INPP4A: variants seen among roughly 807,000 people sequenced by gnomAD.
INPP4A encodes the protein inositol polyphosphate-4-phosphatase, type I, 107kD.
Under a neutral mutation model 119.8 loss-of-function variants are expected in INPP4A, and 33 were observed. The ratio of observed to expected loss-of-function variants is 0.28; its 90% confidence interval spans 0.21 to 0.37. The LOEUF is 0.37. INPP4A is among the 10% of genes least tolerant of loss of function. INPP4A has a pLI of 1.00. For missense variants in INPP4A, 956 were observed against 1,289.9 expected (o/e 0.74, Z 3.97); for synonymous variants, 496 against 500.7 (o/e 0.99, Z 0.12).
intron 1 of INPP4A, among the ~76,000 whole-genome samples, chr2:98,495,761 A>G (rs556360432): frequency 6.6e-6 from 1 of 152,204 alleles, no homozygotes; most frequent in African/African-American, 2.4e-5. Flanking sequence ...GGGTTTTATC[A>G]TGCAGATGCA....
chr2:98,452,606 G>A (rs1427109689), intron 1 of INPP4A, among the ~76,000 whole-genome samples: 1 of 152,172 alleles, frequency 6.6e-6, no homozygotes, highest in Non-Finnish European at 1.5e-5. Context: ...CAGTGTTTAC[G>A]GCCCTGGGGG....
chr2:98,508,135 A>C (rs1247652010), intron 1 of INPP4A, among the ~76,000 whole-genome samples: 1 of 152,172 alleles, frequency 6.6e-6, no homozygotes, highest in Non-Finnish European at 1.5e-5. Context: ...AGAAGGAGAG[A>C]AGCAGAGCTC....
At chr2:98,465,791 T>C (rs777882777) in intron 1 of INPP4A, among the ~76,000 whole-genome samples, 1 of 152,216 alleles carries the variant, frequency 6.6e-6, no homozygotes, top group Non-Finnish European at 1.5e-5. Flanking sequence ...TTCAACTCTC[T>C]GGCTGAGCCC....
rs143984895 is a variant in INPP4A at position 98,514,216 on chromosome 2, A to G, written c.-165-4748A>G. Among the ~76,000 whole-genome samples the G allele has an allele frequency of 6.6e-4, 101 of 152,218 alleles. 2 individuals carry two copies. In the East Asian group the frequency reaches 0.01, roughly 15 times the overall value. On this transcript the variant is annotated intron_variant, in intron 1 of 24. Coordinates refer to ENST00000409851, the MANE Select transcript of INPP4A (RefSeq NM_001134225.2). ...GAGGTCCAAGCCTAGCCTAGGGAATATTGGGAGTAGGGGAGGCTCAGGGGA... is the reference window on the plus strand; with the variant it reads ...GAGGTCCAAGCCTAGCCTAGGGAATGTTGGGAGTAGGGGAGGCTCAGGGGA...
intron 1 of INPP4A, among the ~76,000 whole-genome samples, chr2:98,501,960 C>T (rs576368401): frequency 1.3e-5 from 2 of 152,348 alleles, no homozygotes; most frequent in African/African-American, 4.8e-5. Flanking sequence ...GTGCAGGTTT[C>T]TCTGACTGAT....
Position 98,535,735 on chromosome 2 carries a change from A to G in INPP4A, c.277A>G (p.Asn93Asp), listed in dbSNP as rs759705008. ...ATTTCCTTTTCTGTTCTAGGGAACC[A>G]ACAATCCTATATTTCTAAGCAGTAT... ...HAQTEIIEGT[N>D]NPIFLSSIAF... Residue 93 changes from asparagine to aspartate, a missense_variant, in exon 6 of 25, where the codon AAC becomes GAC. By Grantham distance (23) the Asn-to-Asp change is conservative. This residue lies in a region of INPP4A where 652 missense variants were observed against 797.9 expected (regional missense o/e 0.82). Coordinates refer to ENST00000409851, the MANE Select transcript of INPP4A (RefSeq NM_001134225.2). The G allele has an allele frequency of 2.7e-6, 4 of 1,496,622 alleles. No homozygotes were observed. Among genetic ancestry groups the G allele is most frequent in the Admixed American group, 1.8e-5 (1 of 54,834 alleles). The allele number at this position is 1,496,622 out of a possible 1,614,324, so 92.7% of individuals were successfully genotyped here.
At chr2:98,445,213 A>G (rs1054691122) in intron 1 of INPP4A, 128 bp downstream of exon 1, 1 of 151,980 alleles carries the variant, frequency 6.6e-6, no homozygotes, top group Non-Finnish European at 1.5e-5. Context: ...CGCGGTTTTC[A>G]TGGAAATTGC....
chr2:98,524,628 A>G (rs369047021), intron 4 of INPP4A, among the ~76,000 whole-genome samples: 6 of 152,326 alleles, frequency 3.9e-5, no homozygotes, highest in African/African-American at 1.2e-4. Context: ...CCTACCTTGC[A>G]TAGGTGTCAA....
intron 1 of INPP4A, among the ~76,000 whole-genome samples, chr2:98,488,972 T>C (rs1267580751): frequency 2.6e-5 from 4 of 151,500 alleles, no homozygotes; most frequent in Non-Finnish European, 1.5e-5. Flanking sequence ...TGTGTGTGTG[T>C]GTGTGTGTGT....
At chr2:98,482,634 C>T (rs904149113) in intron 1 of INPP4A, among the ~76,000 whole-genome samples, 2 of 152,202 alleles carry the variant, frequency 1.3e-5, no homozygotes, top group African/African-American at 2.4e-5. Flanking sequence ...GGGAGGCCAG[C>T]GACCAGCCAG....
chr2:98,583,326 C>CA (rs11348569), intron 24 of INPP4A, among the ~76,000 whole-genome samples: 11 of 149,018 alleles, frequency 7.4e-5, no homozygotes, highest in South Asian at 2.1e-4. Flanking sequence ...GAAAAAATGC[C>CA]AAAAAAAAAA....
intron 1 of INPP4A, among the ~76,000 whole-genome samples, chr2:98,493,376 T>C (rs560071028): frequency 6.6e-6 from 1 of 152,120 alleles, no homozygotes; most frequent in East Asian, 1.9e-4. Flanking sequence ...ATTTTCAGCT[T>C]ATTTACTAAT....
chr2:98,500,873 C>G (rs1163448870), intron 1 of INPP4A, among the ~76,000 whole-genome samples: 1 of 152,206 alleles, frequency 6.6e-6, no homozygotes, highest in East Asian at 1.9e-4. Flanking sequence ...GAACCTGACT[C>G]TAGTTTGGCC....
At chr2:98,447,863 C>T (rs1252997401) in intron 1 of INPP4A, among the ~76,000 whole-genome samples, 4 of 151,900 alleles carry the variant, frequency 2.6e-5, no homozygotes, top group Non-Finnish European at 4.4e-5. Context: ...CTGGCTAACA[C>T]GGTGAAACCC....
intron 1 of INPP4A, among the ~76,000 whole-genome samples, chr2:98,483,075 A>G (rs1048216389): frequency 1.3e-5 from 2 of 152,232 alleles, no homozygotes; most frequent in African/African-American, 4.8e-5. Context: ...ACCTGTGCTA[A>G]TAATGATTTT....
intron 4 of INPP4A, among the ~76,000 whole-genome samples, chr2:98,527,747 G>T (rs984124523): frequency 6.6e-6 from 1 of 152,174 alleles, no homozygotes; most frequent in South Asian, 2.1e-4. Flanking sequence ...TGTGATTCTG[G>T]TATTTAAGGA....
Position 98,593,261 on chromosome 2 carries a change from C to T in INPP4A, c.*5653C>T, listed in dbSNP as rs1700479850. 6.6e-6 allele frequency: 1 copy of T among 152,474 alleles called. No homozygotes were observed. Among genetic ancestry groups the T allele is most frequent in the Non-Finnish European group, 1.5e-5 (1 of 68,142 alleles). The allele number at this position is 152,474 out of a possible 1,614,324, so 9.4% of individuals were successfully genotyped here. A position where few individuals can be genotyped will look rare whatever the true frequency, so the allele number is the denominator to read the frequency against. ...GCAGACAGGGTAGGAAACACACTTG[C>T]ATCTCCATGGCTCCAAAGAGGATGC... On this transcript the variant is annotated 3_prime_UTR_variant, in exon 25 of 25. Transcript: ENST00000409851.
intron 1 of INPP4A, among the ~76,000 whole-genome samples, chr2:98,513,224 C>T (rs978999450): frequency 1.3e-5 from 2 of 152,294 alleles, no homozygotes; most frequent in African/African-American, 4.8e-5. Context: ...TGACCCATGC[C>T]AACCCCACAA....
At chr2:98,573,093 C>T (rs1001060492) in intron 23 of INPP4A, among the ~76,000 whole-genome samples, 166 bp downstream of exon 23, 3 of 152,170 alleles carry the variant, frequency 2.0e-5, no homozygotes, top group Non-Finnish European at 4.4e-5. Flanking sequence ...CTGAACAGTT[C>T]ACAGAGTCCA....
Sources: gnomAD v4.1 joint callset for allele counts (sites outside exome capture counted in the v4.1 genomes callset) on GRCh38, gnomAD v4.1.1 for gene constraint, gnomAD v4.1.1 regional missense constraint, MANE v1.5 for transcripts, NCBI Gene and HGNC (gene_info 2026-07-23, HGNC 2026-07-21) for gene names.